The following SGCD variants were observed in gnomAD, a reference collection of about 807,000 sequenced individuals.
SGCD encodes the protein sarcoglycan delta.
SGCD carries 18 observed loss-of-function variants against 36.6 expected under a neutral mutation model. That is an observed-to-expected ratio of 0.49 (90% CI 0.34 to 0.73). SGCD has a LOEUF of 0.73. SGCD is among the 30% of genes least tolerant of loss of function. The pLI, the probability that SGCD is intolerant of heterozygous loss-of-function variation, is 0.01. For missense variants in SGCD, 387 were observed against 346.7 expected, an observed-to-expected ratio of 1.12 and a Z score of -0.92; for synonymous variants, 133 against 130.6, an observed-to-expected ratio of 1.02 and a Z score of -0.12.
At chr5:156,065,507 C>G (rs1760322322) in intron 1 of SGCD, among the ~76,000 whole-genome samples, 1 of 75,558 alleles carries the variant, frequency 1.3e-5, no homozygotes, top group Non-Finnish European at 2.4e-5. Context: ...CTTTCTGTCT[C>G]GTTGATCTGT....
At chr5:156,132,837 C>G (rs1762361867) in intron 3 of SGCD, among the ~76,000 whole-genome samples, 2 of 152,282 alleles carry the variant, frequency 1.3e-5, no homozygotes, top group Non-Finnish European at 1.5e-5. Flanking sequence ...TCTGAAAATT[C>G]ATCATGCATT....
chr5:155,847,749 C>T, the SGCD span, among the ~76,000 whole-genome samples: 1 of 152,320 alleles, frequency 6.6e-6, no homozygotes, highest in African/African-American at 2.4e-5. Context: ...CCACCTGTTC[C>T]AGCCCTCAGT....
chr5:156,738,480 G>A (rs1756491672), intron 7 of SGCD: 1 of 152,208 alleles, frequency 6.6e-6, no homozygotes. Flanking sequence ...TCTGGCAAAA[G>A]TAGTTGACAA....
At chr5:156,708,992 G>T (rs1488571733) in intron 7 of SGCD, among the ~76,000 whole-genome samples, 1 of 151,906 alleles carries the variant, frequency 6.6e-6, no homozygotes, top group African/African-American at 2.4e-5. Context: ...TCTCCTCTCG[G>T]TACCATCTAT....
At chr5:155,930,972 C>CT (rs1002509725) in intron 1 of SGCD, among the ~76,000 whole-genome samples, 14 of 152,084 alleles carry the variant, frequency 9.2e-5, no homozygotes, top group Admixed American at 3.9e-4. Context: ...TGAAGTTACT[C>CT]TTTTTTTTCC....
At chr5:155,990,723 AG>A in intron 1 of SGCD, among the ~76,000 whole-genome samples, 1 of 152,220 alleles carries the variant, frequency 6.6e-6, no homozygotes, top group East Asian at 1.9e-4. Context: ...TACTACATCA[AG>A]TATTCCATGC....
intron 2 of SGCD, among the ~76,000 whole-genome samples, chr5:156,118,296 C>G (rs1260748633): frequency 1.3e-5 from 2 of 152,120 alleles, no homozygotes; most frequent in Admixed American, 6.6e-5. Context: ...TGTGTGAATC[C>G]TAGAAAGAGT....
intron 3 of SGCD, among the ~76,000 whole-genome samples, chr5:156,256,411 T>C (rs1765718398): frequency 6.6e-6 from 1 of 152,228 alleles, no homozygotes; most frequent in Non-Finnish European, 1.5e-5. Flanking sequence ...ATTTTGTACA[T>C]ATAGAACCAG....
chr5:156,528,590 A>C (rs991332325), intron 4 of SGCD, among the ~76,000 whole-genome samples: 3 of 152,198 alleles, frequency 2.0e-5, no homozygotes. Flanking sequence ...TTAGCTACAT[A>C]CTAAGTATTC....
intron 3 of SGCD, among the ~76,000 whole-genome samples, chr5:156,473,978 T>G (rs1005426902): frequency 6.6e-6 from 1 of 151,924 alleles, no homozygotes; most frequent in East Asian, 1.9e-4. Context: ...GTTTTTTTTT[T>G]TTTCTGGACA....
intron 1 of SGCD, among the ~76,000 whole-genome samples, chr5:155,891,242 T>C (rs867961640): frequency 3.3e-5 from 5 of 152,200 alleles, no homozygotes; most frequent in Non-Finnish European, 7.3e-5. Flanking sequence ...TTATTTCTCA[T>C]ATATGTGCCT....
chr5:156,332,777 G>C (rs1394605), intron 2 of SGCD, among the ~76,000 whole-genome samples: 13,797 of 152,144 alleles, frequency 0.091, 817 homozygotes, highest in Middle Eastern at 0.19. Context: ...ATAGATATCA[G>C]AATACTCACA....
At chr5:155,819,507 A>G in the SGCD span, among the ~76,000 whole-genome samples, 2 of 152,256 alleles carry the variant, frequency 1.3e-5, no homozygotes, top group African/African-American at 4.8e-5. Context: ...AGCACTTACC[A>G]TGTACTTTTA....
At chr5:156,037,695 T>C (rs1265286044) in intron 1 of SGCD, among the ~76,000 whole-genome samples, 1 of 152,198 alleles carries the variant, frequency 6.6e-6, no homozygotes, top group Non-Finnish European at 1.5e-5. Context: ...GTCATTGTCT[T>C]TTTAAAGAAC....
intron 3 of SGCD, among the ~76,000 whole-genome samples, chr5:156,360,731 C>T (rs1363822094): frequency 2.6e-5 from 4 of 152,100 alleles, no homozygotes; most frequent in Admixed American, 2.6e-4. Context: ...GTGAAAGACA[C>T]AGCCTGACTT....
chr5:155,838,256 C>G, the SGCD span, among the ~76,000 whole-genome samples: 1 of 151,984 alleles, frequency 6.6e-6, no homozygotes, highest in African/African-American at 2.4e-5. Flanking sequence ...TAAATTCCAC[C>G]AATTGTCTCA....
intron 3 of SGCD, among the ~76,000 whole-genome samples, chr5:156,429,028 C>A (rs1406559943): frequency 5.3e-5 from 8 of 151,802 alleles, no homozygotes; most frequent in African/African-American, 1.9e-4. Flanking sequence ...CAATCCATTT[C>A]TTCTAGGATA....
intron 1 of SGCD, among the ~76,000 whole-genome samples, chr5:156,077,108 G>A (rs185380479): frequency 7.8e-4 from 118 of 152,126 alleles, no homozygotes; most frequent in African/African-American, 2.6e-3. Context: ...GGATCGTCAC[G>A]TGACTGAAAC....
At chr5:156,710,922 T>A (rs1038005957) in intron 7 of SGCD, among the ~76,000 whole-genome samples, 7 of 152,212 alleles carry the variant, frequency 4.6e-5, no homozygotes, top group Admixed American at 3.9e-4. Flanking sequence ...AGAGATAGCC[T>A]TGTCAAAGAG....
Sources: allele counts gnomAD v4.1 joint callset (sites outside exome capture counted in the v4.1 genomes callset), GRCh38; gene constraint gnomAD v4.1.1; transcripts MANE v1.5; gene names NCBI Gene and HGNC (gene_info 2026-07-23, HGNC 2026-07-21).